Variants in GALNT13 observed in about 807,000 individuals in gnomAD.
GALNT13 encodes UDP-GalNAc:polypeptide N-acetylgalactosaminyltransferase 13.
GALNT13 carries 28 observed loss-of-function variants against 64.2 expected under a neutral mutation model. That is an observed-to-expected ratio of 0.44 (90% CI 0.32 to 0.60). GALNT13 has a LOEUF of 0.60. Ranked by LOEUF, GALNT13 falls within the 20% of genes least tolerant of loss-of-function variation. The pLI is 0.05. For synonymous variants in GALNT13, 214 were observed against 224.6 expected (o/e 0.95, Z 0.42); for missense variants, 577 against 669.8 (o/e 0.86, Z 1.53).
In GALNT13 at chr2:154,360,101, C is replaced by T. The variant is rs140176371; in HGVS notation, c.1157-35890C>T. ...TTGTTTTCTTTTAAAAAATAATAAT[C>T]ATGTTCTTTCGAGTTATACAGTATT... On this transcript the variant is annotated intron_variant, in intron 9 of 12. Transcript: ENST00000392825. Among the ~76,000 whole-genome samples the T allele has an allele frequency of 3.7e-3, 559 of 152,168 alleles. 5 individuals are homozygous for T. Among genetic ancestry groups the T allele is most frequent in the Admixed American group, 8.2e-3 (125 of 15,264 alleles).
the GALNT13 span, among the ~76,000 whole-genome samples, chr2:153,506,932 G>A: frequency 1.3e-5 from 2 of 152,128 alleles, no homozygotes; most frequent in Non-Finnish European, 2.9e-5. Context: ...CCTCAAACAT[G>A]TTTTCCAGAC....
intron 9 of GALNT13, among the ~76,000 whole-genome samples, chr2:154,357,982 A>T (rs968042723): frequency 3.3e-5 from 5 of 152,124 alleles, no homozygotes; most frequent in African/African-American, 1.2e-4. Context: ...TGACTTACTC[A>T]TCTCAGCCCA....
In GALNT13 at chr2:154,408,098, G is replaced by A. The variant is rs535794175; in HGVS notation, c.1297-886G>A. ...AACTTTTCAAAAGCAGAGTGGACAA[G>A]CATAAATACATACTTGGGGTTGAGA... On this transcript the variant is annotated intron_variant, in intron 10 of 12. Coordinates refer to ENST00000392825, the MANE Select transcript of GALNT13 (RefSeq NM_052917.4). 4.6e-5 allele frequency among the ~76,000 whole-genome samples: 7 copies of A among 152,156 alleles called. No individual in the cohort carries two copies. In the East Asian group the frequency reaches 1.2e-3, roughly 25 times the overall value.
chr2:153,085,621 G>A, the GALNT13 span, among the ~76,000 whole-genome samples: 1 of 152,206 alleles, frequency 6.6e-6, no homozygotes, highest in Non-Finnish European at 1.5e-5. Flanking sequence ...AAGAATTTAG[G>A]TTTGGGAACC....
intron 1 of GALNT13, among the ~76,000 whole-genome samples, chr2:153,874,289 T>C (rs960585850): frequency 6.6e-6 from 1 of 151,878 alleles, no homozygotes; most frequent in African/African-American, 2.4e-5. Context: ...ACATCTCTCC[T>C]TTAGCCCCTA....
At chr2:153,989,257 C>A (rs1695009122) in intron 3 of GALNT13, among the ~76,000 whole-genome samples, 1 of 151,862 alleles carries the variant, frequency 6.6e-6, no homozygotes, top group African/African-American at 2.4e-5. Context: ...GGTCATAGAT[C>A]TGCATTGTAT....
the GALNT13 span, among the ~76,000 whole-genome samples, chr2:153,275,565 T>C: frequency 2.0e-4 from 31 of 152,190 alleles, no homozygotes; most frequent in Non-Finnish European, 4.0e-4. Context: ...TAAATTTCTG[T>C]TCTTTATAAA....
chr2:153,462,675 A>T, the GALNT13 span, among the ~76,000 whole-genome samples: 2 of 152,268 alleles, frequency 1.3e-5, no homozygotes, highest in South Asian at 4.1e-4. Flanking sequence ...AAGGAAATGA[A>T]ATCTAAATTA....
At chr2:153,199,065 T>C in the GALNT13 span, among the ~76,000 whole-genome samples, 25,085 of 152,180 alleles carry the variant, frequency 0.16, 2,182 homozygotes, top group Non-Finnish European at 0.18. Flanking sequence ...TTCAAGTCTG[T>C]AACAATAGTG....
At chr2:153,251,793 C>T in the GALNT13 span, among the ~76,000 whole-genome samples, 5 of 151,992 alleles carry the variant, frequency 3.3e-5, no homozygotes, top group African/African-American at 9.7e-5. Context: ...CTACAAAGGA[C>T]ATGAACTCAT....
rs186601567 is a variant in GALNT13, at chr2:154,415,038, A to G, written c.1395+5956A>G. Among the ~76,000 whole-genome samples the G allele has an allele frequency of 4.9e-4, 75 of 151,854 alleles. 1 individual carries two copies. The East Asian group carries it at 0.012, about 25-fold the overall frequency. On this transcript the variant is annotated intron_variant, in intron 11 of 12. Coordinates refer to ENST00000392825, the MANE Select transcript of GALNT13 (RefSeq NM_052917.4). The stretch of plus-strand genomic sequence containing the variant: ...AAAATAGCTGGGCATGGTGGCATGC[A>G]TCTGTAGTACCATCTATTCAGAAGG...
the GALNT13 span, among the ~76,000 whole-genome samples, chr2:153,607,895 T>G: frequency 6.6e-6 from 1 of 152,156 alleles, no homozygotes; most frequent in Admixed American, 6.6e-5. Context: ...ATTTTTCATC[T>G]AGCCACACAT....
At chr2:153,298,212 G>T in the GALNT13 span, among the ~76,000 whole-genome samples, 3,380 of 152,114 alleles carry the variant, frequency 0.022, 121 homozygotes, top group African/African-American at 0.077. Flanking sequence ...TGCTTAGGTG[G>T]CCTGTGACTT....
chr2:153,803,598 A>C, the GALNT13 span, among the ~76,000 whole-genome samples: 10 of 150,316 alleles, frequency 6.7e-5, no homozygotes, highest in Non-Finnish European at 8.9e-5. Context: ...AGGCTGAGGC[A>C]GGAGAACGGC....
chr2:154,343,229 A>G (rs1695872813), intron 9 of GALNT13, among the ~76,000 whole-genome samples: 1 of 152,014 alleles, frequency 6.6e-6, no homozygotes, highest in African/African-American at 2.4e-5. Flanking sequence ...TTAGATTTGA[A>G]AACTCAGTGA....
At chr2:154,396,614 T>G (rs1249080703) in intron 10 of GALNT13, among the ~76,000 whole-genome samples, 1 of 152,184 alleles carries the variant, frequency 6.6e-6, no homozygotes. Context: ...TGTATTTTTG[T>G]AAATTGCATT....
chr2:153,872,980 G>T (rs573753785), intron 1 of GALNT13, among the ~76,000 whole-genome samples: 4 of 152,052 alleles, frequency 2.6e-5, no homozygotes, highest in African/African-American at 9.6e-5. Context: ...TTTCTTTCTT[G>T]GGATATCTGT....
the GALNT13 span, among the ~76,000 whole-genome samples, chr2:153,629,730 A>C: frequency 4.6e-5 from 7 of 151,244 alleles, no homozygotes; most frequent in Admixed American, 4.6e-4. Context: ...ATGGGAGAAA[A>C]TTTTCGCAAC....
At chr2:153,781,889 A>G in the GALNT13 span, among the ~76,000 whole-genome samples, 2 of 152,160 alleles carry the variant, frequency 1.3e-5, no homozygotes, top group Non-Finnish European at 2.9e-5. Context: ...GGTTATGAAA[A>G]AGTGCTGACT....
Sources: gnomAD v4.1 joint callset for allele counts (sites outside exome capture counted in the v4.1 genomes callset) on GRCh38, gnomAD v4.1.1 for gene constraint, MANE v1.5 for transcripts, NCBI Gene and HGNC (gene_info 2026-07-23, HGNC 2026-07-21) for gene names.